The following UIMC1 variants were observed in gnomAD, a reference collection of about 807,000 sequenced individuals.
UIMC1 encodes BRCA1-A complex subunit RAP80.
UIMC1 carries 42 observed loss-of-function variants against 84.9 expected under a neutral mutation model. The observed-to-expected ratio is 0.49, with a 90% CI of 0.39 to 0.64. UIMC1 has a LOEUF of 0.64. UIMC1 is among the 30% of genes least tolerant of loss of function. UIMC1 has a pLI of 0.00. For missense variants in UIMC1, 825 were observed against 847.6 expected (o/e 0.97, Z 0.33); for synonymous variants, 281 against 293.0 (o/e 0.96, Z 0.42).
At chr5:176,925,019 AG>A in intron 10 of UIMC1, among the ~76,000 whole-genome samples, 1 of 150,524 alleles carries the variant, frequency 6.6e-6, no homozygotes, top group Non-Finnish European at 1.5e-5. Context: ...CGACAGAGCA[AG>A]ACTCTGCCTC....
intron 10 of UIMC1, among the ~76,000 whole-genome samples, chr5:176,913,336 T>G (rs576311675): frequency 6.6e-6 from 1 of 152,322 alleles, no homozygotes; most frequent in African/African-American, 2.4e-5. Context: ...CTAAGAGGAA[T>G]TGACTTCACC....
chr5:176,967,158 G>T (rs976928448), intron 6 of UIMC1, among the ~76,000 whole-genome samples: 24 of 152,052 alleles, frequency 1.6e-4, no homozygotes, highest in African/African-American at 5.3e-4. Context: ...ACATTTTTTG[G>T]TCCACCAATT....
intron 10 of UIMC1, among the ~76,000 whole-genome samples, chr5:176,925,724 G>A (rs1762313207): frequency 6.6e-6 from 1 of 152,170 alleles, no homozygotes; most frequent in Non-Finnish European, 1.5e-5. Flanking sequence ...TATCATATAA[G>A]CAGAATTTTA....
chr5:176,911,473 A>G (rs1760209218), intron 10 of UIMC1, 84 bp from the exon 11 acceptor site: 1 of 995,760 alleles, frequency 1.0e-6, no homozygotes, highest in East Asian at 3.1e-5. Context: ...CACAGGAAGA[A>G]GCAAAGTTTA....
At chr5:176,979,102 A>T (rs937048782) in intron 2 of UIMC1, among the ~76,000 whole-genome samples, 1 of 152,220 alleles carries the variant, frequency 6.6e-6, no homozygotes, top group African/African-American at 2.4e-5. Flanking sequence ...ACGGAAGAAA[A>T]ACAGAGACAC....
chr5:177,004,907 ACTTT>A (rs1398168528), intron 1 of UIMC1, among the ~76,000 whole-genome samples: 5 of 152,146 alleles, frequency 3.3e-5, no homozygotes, highest in East Asian at 3.9e-4. Flanking sequence ...GGTACCTAGC[ACTTT>A]CTTTATTTGG....
At chr5:176,977,223 C>CAAAAAAAAA (rs1016279747) in intron 2 of UIMC1, among the ~76,000 whole-genome samples, 1 of 71,636 alleles carries the variant, frequency 1.4e-5, no homozygotes, top group African/African-American at 4.2e-5. Flanking sequence ...GATTCTGTCT[C>CAAAAAAAAA]AAAAAAAAAA....
chr5:177,000,489 C>T (rs986865190), intron 1 of UIMC1, among the ~76,000 whole-genome samples: 4 of 137,392 alleles, frequency 2.9e-5, no homozygotes, highest in African/African-American at 9.3e-5. Context: ...CTGTTTTCCA[C>T]TTGCATGTCT....
intron 10 of UIMC1, among the ~76,000 whole-genome samples, chr5:176,941,617 A>G (rs1434488166): frequency 6.6e-6 from 1 of 152,238 alleles, no homozygotes; most frequent in African/African-American, 2.4e-5. Flanking sequence ...ACATTTAAAT[A>G]CACCTAAGTT....
intron 5 of UIMC1, 138 bp downstream of exon 5, chr5:176,969,463 T>C: frequency 5.5e-6 from 7 of 1,263,864 alleles, no homozygotes; most frequent in Non-Finnish European, 7.6e-6. Context: ...ATTCTTATGA[T>C]CTCAACTACT....
chr5:176,946,080 C>G (rs986944874), intron 9 of UIMC1, among the ~76,000 whole-genome samples: 1 of 152,194 alleles, frequency 6.6e-6, no homozygotes, highest in Non-Finnish European at 1.5e-5. Flanking sequence ...CTAACCTACC[C>G]CTGCCCTCAC....
intron 1 of UIMC1, among the ~76,000 whole-genome samples, chr5:176,985,862 A>C (rs905856837): frequency 6.6e-6 from 1 of 152,194 alleles, no homozygotes; most frequent in Non-Finnish European, 1.5e-5. Flanking sequence ...AACCTGATAA[A>C]GGACTTCTAC....
At position 176,943,353 on chromosome 5, in the gene UIMC1, G is replaced by C. The variant is rs115309999; in HGVS notation, c.1579C>G (p.Leu527Val). 172 of 1,613,996 alleles carry C rather than the reference G, an allele frequency of 1.1e-4. No homozygotes were observed. The African/African-American group carries it at 2.1e-3, about 20-fold the overall frequency. The change falls in exon 10 of 15, where the codon CTG becomes GTG. Residue 527 changes from leucine to valine, a missense_variant. Leu to Val is a conservative substitution (Grantham distance 32, BLOSUM62 1). Transcript: ENST00000511320. Reference protein sequence around the residue: ...IERHAMYCNGLMEEDTVLTRR... With the variant: ...IERHAMYCNGVMEEDTVLTRR... ...TCTTTACCTGTATCTTCCTCCATCA[G>C]ACCATTGCAGTACATGGCATGTCGT... is the stretch of plus-strand genomic sequence containing the variant.
chr5:176,912,163 C>A (rs77026007), intron 10 of UIMC1, among the ~76,000 whole-genome samples: 4,059 of 152,306 alleles, frequency 0.027, 200 homozygotes, highest in African/African-American at 0.092. Context: ...GGTTGTGAAG[C>A]ATTTATCTAG....
intron 14 of UIMC1, 107 bp downstream of exon 14, chr5:176,905,904 A>T: frequency 8.1e-7 from 1 of 1,240,868 alleles, no homozygotes; most frequent in Non-Finnish European, 1.2e-6. Context: ...TTCCACAGTG[A>T]TTTCTACTGC....
chr5:177,015,118 A>G (rs924733485), intron 1 of UIMC1, among the ~76,000 whole-genome samples: 21 of 152,172 alleles, frequency 1.4e-4, no homozygotes, highest in African/African-American at 5.1e-4. Context: ...AGCTTTTGGA[A>G]TAAACTACAT....
At chr5:176,992,982 T>TG (rs1446813555) in intron 1 of UIMC1, among the ~76,000 whole-genome samples, 3 of 151,824 alleles carry the variant, frequency 2.0e-5, no homozygotes, top group African/African-American at 7.3e-5. Context: ...GATCAGGAGT[T>TG]GGAGACCAGC....
At chr5:176,940,443 G>C (rs1764267040) in intron 10 of UIMC1, among the ~76,000 whole-genome samples, 1 of 152,138 alleles carries the variant, frequency 6.6e-6, no homozygotes, top group Non-Finnish European at 1.5e-5. Context: ...TCTGGACCTT[G>C]ATGTTGTATT....
chr5:176,919,876 A>G (rs1761480212), intron 10 of UIMC1, among the ~76,000 whole-genome samples: 1 of 152,200 alleles, frequency 6.6e-6, no homozygotes, highest in Non-Finnish European at 1.5e-5. Context: ...TGTCTTAATT[A>G]GTAAGTTGTA....
Sources: gnomAD v4.1 joint callset for allele counts (sites outside exome capture counted in the v4.1 genomes callset) on GRCh38, gnomAD v4.1.1 for gene constraint, MANE v1.5 for transcripts, NCBI Gene and HGNC (gene_info 2026-07-23, HGNC 2026-07-21) for gene names.